The following GUCY1A1 variants were observed in gnomAD, a reference collection of about 807,000 sequenced individuals.
GUCY1A1 encodes the protein guanylate cyclase 1 soluble subunit alpha 1, also known as guanylate cyclase soluble subunit alpha-1.
GUCY1A1 carries 48 observed loss-of-function variants against 64.5 expected under a neutral mutation model. The observed-to-expected ratio is 0.74, with a 90% CI of 0.59 to 0.95. The LOEUF (loss-of-function observed/expected upper bound fraction) is 0.95. GUCY1A1 is among the 40% of genes least tolerant of loss of function. GUCY1A1 has a pLI of 0.00. For synonymous variants in GUCY1A1, 308 were observed against 303.4 expected (o/e 1.02, Z -0.16); for missense variants, 804 against 825.3 (o/e 0.97, Z 0.32).
intron 2 of GUCY1A1, among the ~76,000 whole-genome samples, chr4:155,681,156 G>A (rs1735701998): frequency 6.6e-6 from 1 of 152,028 alleles, no homozygotes; most frequent in African/African-American, 2.4e-5. Context: ...AATAATTATA[G>A]TTTTCATAGA....
chr4:155,669,243 A>ATT (rs1451649976), intron 2 of GUCY1A1, among the ~76,000 whole-genome samples: 1 of 152,096 alleles, frequency 6.6e-6, no homozygotes, highest in Non-Finnish European at 1.5e-5. Context: ...TTATATTTAT[A>ATT]TTTATAAGGT....
chr4:155,712,684 T>C lies in GUCY1A1; in HGVS notation c.1087-414T>C, dbSNP rs376200065. 3.6e-4 allele frequency among the ~76,000 whole-genome samples: 54 copies of C among 151,280 alleles called. 2 individuals carry two copies. The East Asian group carries it at 4.5e-3, about 13-fold the overall frequency. Reference sequence around the variant, plus strand: ...CTAAAAGAGAAGGAAGCCAAAAAAATAGAACAAAGAAAAAAGTAAGAGGGA... The same window carrying C: ...CTAAAAGAGAAGGAAGCCAAAAAAACAGAACAAAGAAAAAAGTAAGAGGGA... On this transcript the variant is annotated intron_variant, in intron 6 of 9. Transcript: ENST00000506455.
At chr4:155,675,128 A>G (rs752377323) in intron 2 of GUCY1A1, among the ~76,000 whole-genome samples, 1 of 151,564 alleles carries the variant, frequency 6.6e-6, no homozygotes, top group Non-Finnish European at 1.5e-5. Context: ...CAGTATATGC[A>G]CTGGAATTTT....
intron 2 of GUCY1A1, among the ~76,000 whole-genome samples, chr4:155,685,558 C>T (rs1039282400): frequency 7.2e-5 from 11 of 151,940 alleles, no homozygotes; most frequent in African/African-American, 2.4e-5. Flanking sequence ...GCTCCTCCAC[C>T]GCCTGAACCG....
intron 2 of GUCY1A1, among the ~76,000 whole-genome samples, chr4:155,677,734 C>A (rs566397663): frequency 1.3e-5 from 2 of 151,942 alleles, no homozygotes; most frequent in Non-Finnish European, 2.9e-5. Context: ...TGCCTGTAAT[C>A]CCAGCTACTT....
In GUCY1A1 at chr4:155,717,404, G is replaced by A. The variant is rs563758436; in HGVS notation, c.1716+102G>A. 9.5e-6 allele frequency: 7 copies of A among 734,326 alleles called. No individual in the cohort carries two copies. In the East Asian group the frequency reaches 2.2e-4, roughly 23 times the overall value. The allele number at this position is 734,326 out of a possible 1,614,324, so 45.5% of individuals were successfully genotyped here. ...TCAGTTGGGGGTTAGTTGAGAGAGA[G>A]AGAGAAAGCAAAATCTATATAGAGA... On this transcript the variant is annotated intron_variant, in intron 8 of 9. Coordinates refer to ENST00000506455, the MANE Select transcript of GUCY1A1 (RefSeq NM_001130682.3).
intron 9 of GUCY1A1, among the ~76,000 whole-genome samples, chr4:155,724,737 T>G (rs953612209): frequency 6.6e-6 from 1 of 152,154 alleles, no homozygotes; most frequent in African/African-American, 2.4e-5. Flanking sequence ...ATCTTCTGTA[T>G]CTGAACTTTT....
chr4:155,710,193 T>C (rs3796592), intron 5 of GUCY1A1, among the ~76,000 whole-genome samples: 30,092 of 152,134 alleles, frequency 0.2, 3,045 homozygotes, highest in Admixed American at 0.23. Context: ...TGGATTGCTT[T>C]TGTTGTTAAC....
chr4:155,705,086 T>C (rs1004526916), intron 4 of GUCY1A1, among the ~76,000 whole-genome samples: 1 of 152,016 alleles, frequency 6.6e-6, no homozygotes, highest in Non-Finnish European at 1.5e-5. Context: ...GAGATGGGGT[T>C]TCACCGTGTT....
At position 155,676,300 on chromosome 4, in the gene GUCY1A1, GTTT is replaced by G. The variant is rs10532055; in HGVS notation, c.-113+8898_-113+8900del. Among the ~76,000 whole-genome samples, 474 of 140,908 alleles carry G rather than the reference GTTT, an allele frequency of 3.4e-3. 4 individuals are homozygous for G. Among genetic ancestry groups the G allele is most frequent in the South Asian group, 9.3e-3 (43 of 4,618 alleles). 92.4% of individuals were successfully genotyped at this position (140,908 alleles called of 152,430 possible). A position where few individuals can be genotyped will look rare whatever the true frequency, so the allele number is the denominator to read the frequency against. Reference sequence around the variant, plus strand: ...GCAAAGAATGTCCTAAGAAGAGCTGGTTTTTTTTTTTTTTTTTTTAACAATTTT... The same window carrying G: ...GCAAAGAATGTCCTAAGAAGAGCTGGTTTTTTTTTTTTTTTTAACAATTTT... On this transcript the variant is annotated intron_variant, in intron 2 of 9. Transcript: ENST00000506455.
intron 9 of GUCY1A1, among the ~76,000 whole-genome samples, chr4:155,727,059 G>C (rs1734786443): frequency 6.6e-6 from 1 of 151,938 alleles, no homozygotes; most frequent in Non-Finnish European, 1.5e-5. Context: ...ACTTCTGTAA[G>C]AAGAAGGAAC....
rs184789199 is a variant in GUCY1A1, at chr4:155,702,987, A to C, written c.256-945A>C. Among the ~76,000 whole-genome samples the C allele has an allele frequency of 4.5e-3, 686 of 150,804 alleles. 5 individuals carry two copies. Among genetic ancestry groups the C allele is most frequent in the African/African-American group, 0.016 (658 of 41,340 alleles). On this transcript the variant is annotated intron_variant, in intron 3 of 9. Coordinates refer to ENST00000506455, the MANE Select transcript of GUCY1A1 (RefSeq NM_001130682.3). The stretch of plus-strand genomic sequence containing the variant: ...ATATATAATATATAGTTTTATATAT[A>C]TCTCTATATATACACACATATATAG...
chr4:155,726,443 T>C (rs1278881186), intron 9 of GUCY1A1, among the ~76,000 whole-genome samples: 3 of 151,986 alleles, frequency 2.0e-5, no homozygotes, highest in Admixed American at 1.3e-4. Context: ...CAAACTATAG[T>C]ACAAGAAGCG....
intron 5 of GUCY1A1, among the ~76,000 whole-genome samples, chr4:155,710,126 G>T (rs1000683477): frequency 6.6e-6 from 1 of 152,138 alleles, no homozygotes; most frequent in South Asian, 2.1e-4. Flanking sequence ...ATTAACTTCC[G>T]TGTCTGACCC....
chr4:155,690,430 T>C (rs1225301313), intron 2 of GUCY1A1, among the ~76,000 whole-genome samples: 1 of 152,204 alleles, frequency 6.6e-6, no homozygotes, highest in Non-Finnish European at 1.5e-5. Context: ...CCAAATAATC[T>C]TCTAAAAATG....
In GUCY1A1 at chr4:155,733,968, T is replaced by G. The variant is rs890061927; in HGVS notation, c.*3737T>G. Among the ~76,000 whole-genome samples, 12 of 151,994 alleles carry G rather than the reference T, an allele frequency of 7.9e-5. No homozygotes were observed. The highest frequency in any genetic ancestry group is 2.0e-4 in the Admixed American group (3 of 15,234). On this transcript the variant is annotated 3_prime_UTR_variant, in exon 10 of 10. Coordinates refer to ENST00000506455, the MANE Select transcript of GUCY1A1 (RefSeq NM_001130682.3). ...AAGCTGGGATGTCTGGCATTGGAATTTTATGTCACTCTCAAGGCTAATTAG... is the reference window on the plus strand; with the variant it reads ...AAGCTGGGATGTCTGGCATTGGAATGTTATGTCACTCTCAAGGCTAATTAG...
At chr4:155,667,784 G>A (rs112101087) in intron 2 of GUCY1A1, 31,442 of 151,602 alleles carry the variant, frequency 0.21, 3,562 homozygotes, top group Non-Finnish European at 0.23. Flanking sequence ...GGGCCCCAGA[G>A]CCCATCAGCC....
rs1371004462 is a variant in GUCY1A1 at position 155,730,397 on chromosome 4, C to A, written c.*166C>A. ...TAACATGACAAAATGTATGTACTCA[C>A]TTCAGTACTTCAGCTCTTCAAGAAA... On this transcript the variant is annotated 3_prime_UTR_variant, in exon 10 of 10. Coordinates refer to ENST00000506455, the MANE Select transcript of GUCY1A1 (RefSeq NM_001130682.3). The A allele has an allele frequency of 2.8e-5, 13 of 467,606 alleles. No individual in the cohort carries two copies. The highest frequency in any genetic ancestry group is 2.4e-4 in the African/African-American group (12 of 49,066). The allele number at this position is 467,606 out of a possible 1,614,324, so 29.0% of individuals were successfully genotyped here. A position where few individuals can be genotyped will look rare whatever the true frequency, so the allele number is the denominator to read the frequency against.
chr4:155,688,064 A>G (rs1160092833), intron 2 of GUCY1A1, among the ~76,000 whole-genome samples: 1 of 151,862 alleles, frequency 6.6e-6, no homozygotes, highest in African/African-American at 2.4e-5. Flanking sequence ...TCTACTAAAA[A>G]TACAAAAAAA....
Sources: allele counts gnomAD v4.1 joint callset (sites outside exome capture counted in the v4.1 genomes callset), GRCh38; gene constraint gnomAD v4.1.1; transcripts MANE v1.5; gene names NCBI Gene and HGNC (gene_info 2026-07-23, HGNC 2026-07-21).